The following HDAC9 variants were observed in gnomAD, a reference collection of about 807,000 sequenced individuals.
The protein encoded by HDAC9 is MEF-2 interacting transcription repressor (MITR) protein.
HDAC9 carries 41 observed loss-of-function variants against 139.4 expected under a neutral mutation model. The observed-to-expected ratio is 0.29, with a 90% CI of 0.23 to 0.38. The LOEUF (loss-of-function observed/expected upper bound fraction) is 0.38, where lower values mean the gene tolerates loss of function less well. Ranked by LOEUF, HDAC9 falls within the 10% of genes least tolerant of loss-of-function variation. The pLI is 1.00. For synonymous variants in HDAC9, 517 were observed against 476.2 expected, an observed-to-expected ratio of 1.09 and a Z score of -1.12; for missense variants, 1,147 against 1,297.0, an observed-to-expected ratio of 0.88 and a Z score of 1.78.
At chr7:18,258,543 A>G (rs1357781820) in intron 2 of HDAC9, among the ~76,000 whole-genome samples, 1 of 152,200 alleles carries the variant, frequency 6.6e-6, no homozygotes, top group Non-Finnish European at 1.5e-5. Flanking sequence ...GTTGTAAACA[A>G]GTTGAGGGAA....
intron 2 of HDAC9, among the ~76,000 whole-genome samples, chr7:18,283,947 C>A (rs757587162): frequency 6.6e-6 from 1 of 152,078 alleles, no homozygotes; most frequent in Non-Finnish European, 1.5e-5. Context: ...CTGGCCCCAG[C>A]AAAAGAAAAA....
intron 1 of HDAC9, among the ~76,000 whole-genome samples, chr7:18,127,899 C>T (rs565412998): frequency 1.4e-3 from 200 of 147,682 alleles, no homozygotes; most frequent in African/African-American, 4.6e-3. Context: ...AGACAATTTT[C>T]GTGCATTTAA....
chr7:18,644,532 C>A (rs1584522761), intron 8 of HDAC9, 139 bp from the exon 9 acceptor site: 2 of 581,442 alleles, frequency 3.4e-6, no homozygotes, highest in African/African-American at 3.8e-5. Flanking sequence ...GACATTATAA[C>A]TTTTGGATAT....
intron 2 of HDAC9, among the ~76,000 whole-genome samples, chr7:18,182,274 A>G (rs768957): frequency 6.6e-6 from 1 of 152,018 alleles, no homozygotes; most frequent in Non-Finnish European, 1.5e-5. Flanking sequence ...ATAGGTTGAT[A>G]TATACTTTTT....
intron 1 of HDAC9, among the ~76,000 whole-genome samples, chr7:18,414,640 C>T (rs991333115): frequency 6.6e-6 from 1 of 152,138 alleles, no homozygotes; most frequent in African/African-American, 2.4e-5. Context: ...TTCCAAGTTA[C>T]ATTGCCTGTT....
intron 12 of HDAC9, among the ~76,000 whole-genome samples, chr7:18,688,143 A>T (rs1301029368): frequency 1.3e-5 from 2 of 151,832 alleles, no homozygotes; most frequent in Non-Finnish European, 2.9e-5. Context: ...ATTTTTCTAT[A>T]CATCAGTTTG....
chr7:18,860,081 G>A (rs1047804399), intron 21 of HDAC9, among the ~76,000 whole-genome samples: 2 of 151,568 alleles, frequency 1.3e-5, no homozygotes, highest in African/African-American at 2.4e-5. Context: ...GCACCCCACC[G>A]AAAGGAGAGA....
chr7:18,307,514 A>G (rs547542157), intron 1 of HDAC9, among the ~76,000 whole-genome samples: 21 of 152,266 alleles, frequency 1.4e-4, no homozygotes, highest in African/African-American at 5.1e-4. Context: ...TATAAAATCA[A>G]AATTATTGCC....
At chr7:18,829,623 G>C (rs1255381832) in intron 19 of HDAC9, 75 bp downstream of exon 19, 5 of 967,744 alleles carry the variant, frequency 5.2e-6, no homozygotes, top group Non-Finnish European at 8.0e-6. Flanking sequence ...TCTCTGTTAG[G>C]TTGTCTTGCT....
chr7:18,814,350 A>T (rs1385452192), intron 17 of HDAC9, among the ~76,000 whole-genome samples: 1 of 152,214 alleles, frequency 6.6e-6, no homozygotes, highest in East Asian at 1.9e-4. Flanking sequence ...AAAATGAAAG[A>T]TATCTTCCAA....
intron 1 of HDAC9, among the ~76,000 whole-genome samples, chr7:18,410,262 G>C (rs935506970): frequency 3.9e-5 from 6 of 152,144 alleles, no homozygotes; most frequent in African/African-American, 1.4e-4. Flanking sequence ...ACTGCATGGG[G>C]CCAGGGGATG....
chr7:18,879,436 A>G (rs1196896824), intron 22 of HDAC9, among the ~76,000 whole-genome samples: 1 of 152,154 alleles, frequency 6.6e-6, no homozygotes, highest in African/African-American at 2.4e-5. Flanking sequence ...AGTAGCCAAA[A>G]CAGCATGGTA....
chr7:18,125,910 C>T (rs1039422229), intron 1 of HDAC9, among the ~76,000 whole-genome samples: 18 of 152,016 alleles, frequency 1.2e-4, no homozygotes, highest in Admixed American at 8.5e-4. Flanking sequence ...TAAGTGGTGC[C>T]GAAACAGGCC....
At chr7:18,242,937 C>G (rs192010151) in intron 2 of HDAC9, among the ~76,000 whole-genome samples, 4 of 152,298 alleles carry the variant, frequency 2.6e-5, no homozygotes, top group Admixed American at 2.0e-4. Context: ...GGTGCATAAA[C>G]TAGCACAAAA....
chr7:18,550,894 G>A (rs527657407), intron 2 of HDAC9, among the ~76,000 whole-genome samples: 1 of 152,266 alleles, frequency 6.6e-6, no homozygotes, highest in South Asian at 2.1e-4. Flanking sequence ...CCATGGCAGG[G>A]CTTTCAGCAG....
chr7:18,318,336 A>G lies in HDAC9; in HGVS notation c.-42+27821A>G, dbSNP rs568913219. On this transcript the variant is annotated intron_variant, in intron 1 of 3. Coordinates refer to the HDAC9 transcript ENST00000413509. ...CATCTGCCTTTTTAAAAAATATGAA[A>G]TCCTTTCCATCTTGGTGATCAGCTT... Among the ~76,000 whole-genome samples the G allele has an allele frequency of 7.9e-5, 12 of 152,308 alleles. No homozygotes were observed. In the South Asian group the frequency reaches 2.5e-3, roughly 32 times the overall value.
chr7:18,570,112 G>C (rs186653901), intron 2 of HDAC9, among the ~76,000 whole-genome samples: 152 of 152,166 alleles, frequency 1.0e-3, no homozygotes, highest in Admixed American at 1.9e-3. Flanking sequence ...TTCATTACCA[G>C]GCAGTCTTTA....
chr7:18,893,742 G>A (rs913166400), intron 22 of HDAC9, among the ~76,000 whole-genome samples: 2 of 152,130 alleles, frequency 1.3e-5, no homozygotes, highest in African/African-American at 4.8e-5. Context: ...TAAAATGAAC[G>A]CAGGGAAAGG....
At chr7:18,223,606 GA>G (rs913870303) in intron 2 of HDAC9, among the ~76,000 whole-genome samples, 1 of 151,964 alleles carries the variant, frequency 6.6e-6, no homozygotes, top group African/African-American at 2.4e-5. Context: ...AAACAAACAA[GA>G]AAATCTCCTG....
Sources: allele counts gnomAD v4.1 joint callset (sites outside exome capture counted in the v4.1 genomes callset), GRCh38; gene constraint gnomAD v4.1.1; transcripts MANE v1.5; gene names NCBI Gene and HGNC (gene_info 2026-07-23, HGNC 2026-07-21).